The following REDIC1 variants were observed in gnomAD, a reference collection of about 807,000 sequenced individuals.
REDIC1 encodes the protein regulator of DNA class I crossover intermediates 1.
the REDIC1 span, among the ~76,000 whole-genome samples, chr12:39,691,164 C>T: frequency 9.2e-5 from 14 of 152,110 alleles, no homozygotes; most frequent in African/African-American, 2.2e-4. Flanking sequence ...GGACCAGGAC[C>T]GGCAGTAGTT....
chr12:39,731,318 T>C, the REDIC1 span, among the ~76,000 whole-genome samples: 1 of 152,070 alleles, frequency 6.6e-6, no homozygotes, highest in African/African-American at 2.4e-5. Flanking sequence ...TTGATGTTGG[T>C]GACCTTCGGA....
chr12:39,654,842 T>C, the REDIC1 span, among the ~76,000 whole-genome samples: 1 of 152,352 alleles, frequency 6.6e-6, no homozygotes, highest in South Asian at 2.1e-4. Flanking sequence ...TTTCTTAGAA[T>C]TCACCAGTGA....
chr12:39,862,558 C>G, the REDIC1 span, among the ~76,000 whole-genome samples: 1 of 152,184 alleles, frequency 6.6e-6, no homozygotes, highest in Non-Finnish European at 1.5e-5. Context: ...CCTTTAAAAT[C>G]TGTTTCATTT....
the REDIC1 span, among the ~76,000 whole-genome samples, chr12:39,786,558 T>C: frequency 6.6e-6 from 1 of 152,214 alleles, no homozygotes; most frequent in Admixed American, 6.5e-5. Context: ...CTGGAGTGCA[T>C]TCTAAGCAGG....
chr12:39,902,335 T>TATA, the REDIC1 span, among the ~76,000 whole-genome samples: 1 of 151,612 alleles, frequency 6.6e-6, no homozygotes, highest in South Asian at 2.1e-4. Context: ...AAAATTAAAG[T>TATA]ATAATAATAA....
At chr12:39,711,626 C>CAT in the REDIC1 span, among the ~76,000 whole-genome samples, 1 of 52,086 alleles carries the variant, frequency 1.9e-5, no homozygotes. Context: ...TGTGTATACA[C>CAT]GTATGTGTAT....
the REDIC1 span, among the ~76,000 whole-genome samples, chr12:39,736,481 T>A: frequency 6.6e-6 from 1 of 152,220 alleles, no homozygotes; most frequent in African/African-American, 2.4e-5. Context: ...TGGAGTATAT[T>A]TTGCTTGTGA....
the REDIC1 span, among the ~76,000 whole-genome samples, chr12:39,796,348 G>T: frequency 6.7e-3 from 1,003 of 149,846 alleles, 12 homozygotes; most frequent in African/African-American, 0.024. Context: ...CCAGCTACTT[G>T]GTAGGCTGAA....
the REDIC1 span, among the ~76,000 whole-genome samples, chr12:39,713,778 C>T: frequency 3.0e-4 from 44 of 146,904 alleles, no homozygotes; most frequent in African/African-American, 7.5e-4. Context: ...TATATTTGTA[C>T]GTAAATATAC....
chr12:39,813,366 T>A, the REDIC1 span, among the ~76,000 whole-genome samples: 2 of 152,234 alleles, frequency 1.3e-5, no homozygotes, highest in East Asian at 1.9e-4. Context: ...ATTAACCGGA[T>A]GTACCCATAA....
At chr12:39,713,485 T>C in the REDIC1 span, among the ~76,000 whole-genome samples, 1 of 149,976 alleles carries the variant, frequency 6.7e-6, no homozygotes, top group Non-Finnish European at 1.5e-5. Flanking sequence ...TATACATTTA[T>C]ACATTTGTAC....
the REDIC1 span, among the ~76,000 whole-genome samples, chr12:39,875,572 T>C: frequency 2.6e-5 from 4 of 152,130 alleles, no homozygotes; most frequent in East Asian, 7.7e-4. Flanking sequence ...GTAAACGTAC[T>C]AATAAGCAGT....
the REDIC1 span, among the ~76,000 whole-genome samples, chr12:39,748,347 A>T: frequency 6.6e-6 from 1 of 152,244 alleles, no homozygotes; most frequent in Non-Finnish European, 1.5e-5. Flanking sequence ...TGGTAAAGGG[A>T]TCAATTCAAC....
the REDIC1 span, chr12:39,646,595 G>T: frequency 1.2e-6 from 1 of 821,946 alleles, no homozygotes; most frequent in Non-Finnish European, 1.8e-6. Flanking sequence ...ACAGTATTAT[G>T]CAATGATTAA....
chr12:39,764,118 C>T, the REDIC1 span, among the ~76,000 whole-genome samples: 1 of 152,038 alleles, frequency 6.6e-6, no homozygotes, highest in East Asian at 1.9e-4. Flanking sequence ...CATCTTTTTA[C>T]CATTTTCTGT....
the REDIC1 span, among the ~76,000 whole-genome samples, chr12:39,692,601 C>T: frequency 5.3e-4 from 81 of 151,680 alleles, no homozygotes; most frequent in African/African-American, 2.0e-3. Context: ...AGCTCTAGTA[C>T]ATTTATTATT....
At chr12:39,859,689 A>AT in the REDIC1 span, among the ~76,000 whole-genome samples, 3 of 150,926 alleles carry the variant, frequency 2.0e-5, no homozygotes, top group Non-Finnish European at 3.0e-5. Flanking sequence ...CACCTGGCTA[A>AT]TTTTTTTTTG....
the REDIC1 span, among the ~76,000 whole-genome samples, chr12:39,668,424 G>C: frequency 6.6e-6 from 1 of 152,192 alleles, no homozygotes; most frequent in Non-Finnish European, 1.5e-5. Context: ...TAGAGTTTCT[G>C]CCGAGAGATC....
chr12:39,732,703 G>C, the REDIC1 span, among the ~76,000 whole-genome samples: 3 of 152,148 alleles, frequency 2.0e-5, no homozygotes, highest in African/African-American at 4.8e-5. Context: ...CTGAAGATGA[G>C]TATTATTTTT....
Sources: allele counts gnomAD v4.1 joint callset (sites outside exome capture counted in the v4.1 genomes callset), GRCh38; gene constraint gnomAD v4.1.1; transcripts MANE v1.5; gene names NCBI Gene and HGNC (gene_info 2026-07-23, HGNC 2026-07-21).